The following C8orf34 variants were observed in gnomAD, a reference collection of about 807,000 sequenced individuals.
C8orf34 encodes uncharacterized protein C8orf34.
Under a neutral mutation model 68.3 loss-of-function variants are expected in C8orf34, and 65 were observed. The ratio of observed to expected loss-of-function variants is 0.95; its 90% CI spans 0.78 to 1.17. The LOEUF (loss-of-function observed/expected upper bound fraction) is 1.17. C8orf34 is among the 50% of genes most tolerant of loss of function. C8orf34 has a pLI of 0.00. For missense variants in C8orf34, 664 were observed against 655.4 expected (o/e 1.01, Z -0.14); for synonymous variants, 244 against 241.2 (o/e 1.01, Z -0.11).
chr8:68,389,232 TAAAGTTC>T (rs1278776140), intron 1 of C8orf34, among the ~76,000 whole-genome samples: 2 of 152,166 alleles, frequency 1.3e-5, no homozygotes, highest in East Asian at 3.9e-4. Flanking sequence ...TGGGCAATTA[TAAAGTTC>T]AAAGACCTGG....
chr8:68,360,380 G>C (rs1273011910), intron 1 of C8orf34, among the ~76,000 whole-genome samples: 1 of 152,138 alleles, frequency 6.6e-6, no homozygotes, highest in Non-Finnish European at 1.5e-5. Flanking sequence ...GCCACTTCCT[G>C]TGGCTATACT....
intron 1 of C8orf34, among the ~76,000 whole-genome samples, chr8:68,409,320 G>T (rs969357495): frequency 6.6e-6 from 1 of 152,178 alleles, no homozygotes; most frequent in Non-Finnish European, 1.5e-5. Context: ...ACAGCCCCAT[G>T]TATGTTATTG....
At chr8:68,535,709 T>C in intron 7 of C8orf34, 6 of 880,424 alleles carry the variant, frequency 6.8e-6, no homozygotes, top group Non-Finnish European at 8.2e-6. Context: ...CACCTGTAAT[T>C]TTTAAGTAGA....
intron 1 of C8orf34, among the ~76,000 whole-genome samples, chr8:68,353,555 ATG>A (rs1806609997): frequency 6.7e-6 from 1 of 149,166 alleles, no homozygotes; most frequent in South Asian, 2.1e-4. Flanking sequence ...ATATACACAT[ATG>A]TGTGTGTGCA....
At chr8:68,601,074 T>C (rs1032239598) in intron 7 of C8orf34, among the ~76,000 whole-genome samples, 13 of 152,222 alleles carry the variant, frequency 8.5e-5, no homozygotes, top group Admixed American at 8.5e-4. Flanking sequence ...ACTTGACAAA[T>C]GTATGTCCCA....
intron 7 of C8orf34, among the ~76,000 whole-genome samples, chr8:68,616,017 G>A (rs978085763): frequency 3.3e-5 from 5 of 151,086 alleles, no homozygotes; most frequent in Non-Finnish European, 7.4e-5. Context: ...GTTTAGTCTT[G>A]GGAGGGTGTA....
At chr8:68,473,944 C>G (rs923369991) in intron 4 of C8orf34, among the ~76,000 whole-genome samples, 1 of 152,138 alleles carries the variant, frequency 6.6e-6, no homozygotes, top group East Asian at 1.9e-4. Flanking sequence ...GGTGCTGGCC[C>G]TCCATCCTCT....
At chr8:68,522,936 G>C (rs967325584) in intron 6 of C8orf34, among the ~76,000 whole-genome samples, 1 of 152,086 alleles carries the variant, frequency 6.6e-6, no homozygotes, top group Non-Finnish European at 1.5e-5. Flanking sequence ...ACCAATAACT[G>C]TTCTTTCTCA....
chr8:68,745,799 C>G (rs1325922524), intron 10 of C8orf34, among the ~76,000 whole-genome samples: 2 of 152,114 alleles, frequency 1.3e-5, no homozygotes, highest in Non-Finnish European at 2.9e-5. Flanking sequence ...GACTTTAACA[C>G]CCCACTATCA....
At chr8:68,340,447 A>T (rs950077665) in intron 1 of C8orf34, among the ~76,000 whole-genome samples, 4 of 152,146 alleles carry the variant, frequency 2.6e-5, no homozygotes, top group Admixed American at 6.5e-5. Context: ...CTTTAGCAAG[A>T]CTGACAAAGG....
chr8:68,381,765 G>T lies in C8orf34; in HGVS notation c.327+50426G>T, dbSNP rs970746342. Among the ~76,000 whole-genome samples the T allele has an allele frequency of 5.6e-4, 61 of 108,114 alleles. 1 individual carries two copies. The highest frequency in any genetic ancestry group is 2.1e-3 in the African/African-American group (61 of 28,778). 70.9% of individuals were successfully genotyped at this position (108,114 alleles called of 152,430 possible). A position where few individuals can be genotyped will look rare whatever the true frequency, so the allele number is the denominator to read the frequency against. On this transcript the variant is annotated intron_variant, in intron 1 of 13. Coordinates refer to ENST00000518698, the MANE Select transcript of C8orf34 (RefSeq NM_052958.4). ...AAAAAAAAAAAAAAAAAAAAAAATA[G>T]GTATATTAAATGGCTTACAAATTGA...
At chr8:68,335,894 C>T (rs1252565605) in intron 1 of C8orf34, among the ~76,000 whole-genome samples, 1 of 152,006 alleles carries the variant, frequency 6.6e-6, no homozygotes, top group Non-Finnish European at 1.5e-5. Context: ...AAAGACCAGC[C>T]TGGCCAACAC....
intron 9 of C8orf34, among the ~76,000 whole-genome samples, chr8:68,716,174 G>A (rs1821466138): frequency 6.6e-6 from 1 of 151,794 alleles, no homozygotes; most frequent in African/African-American, 2.4e-5. Context: ...GGAAAGGGTG[G>A]GGGTGGTGAA....
chr8:68,415,991 G>T (rs943070401), intron 1 of C8orf34, among the ~76,000 whole-genome samples: 5 of 152,114 alleles, frequency 3.3e-5, no homozygotes, highest in African/African-American at 1.2e-4. Flanking sequence ...TCTAAAATGA[G>T]AAAAGAATAC....
chr8:68,569,753 A>G (rs1261735871), intron 7 of C8orf34, among the ~76,000 whole-genome samples: 4 of 152,250 alleles, frequency 2.6e-5, no homozygotes, highest in African/African-American at 7.2e-5. Flanking sequence ...AGGAATTCAC[A>G]GGACAATGTC....
At chr8:68,769,904 A>C (rs1165555980) in intron 10 of C8orf34, among the ~76,000 whole-genome samples, 1 of 152,182 alleles carries the variant, frequency 6.6e-6, no homozygotes, top group African/African-American at 2.4e-5. Context: ...TTTGGTAAGG[A>C]TAGGCGTAGT....
At chr8:68,482,473 C>G (rs898056392) in intron 4 of C8orf34, among the ~76,000 whole-genome samples, 1 of 152,140 alleles carries the variant, frequency 6.6e-6, no homozygotes, top group Admixed American at 6.5e-5. Context: ...CAAGGTCTCA[C>G]TATGTTGCCC....
At chr8:68,344,388 CA>C (rs1383246144) in intron 1 of C8orf34, among the ~76,000 whole-genome samples, 13 of 152,132 alleles carry the variant, frequency 8.5e-5, no homozygotes, top group African/African-American at 2.9e-4. Context: ...TTCTGGGTGT[CA>C]GGGATGGAGT....
intron 7 of C8orf34, among the ~76,000 whole-genome samples, chr8:68,613,557 G>C (rs2130575540): frequency 6.7e-6 from 1 of 149,544 alleles, no homozygotes; most frequent in Admixed American, 6.8e-5. Flanking sequence ...TTTTGTCCTT[G>C]TGATAGTTTA....
Sources: gnomAD v4.1 joint callset for allele counts (sites outside exome capture counted in the v4.1 genomes callset) on GRCh38, gnomAD v4.1.1 for gene constraint, MANE v1.5 for transcripts, NCBI Gene and HGNC (gene_info 2026-07-23, HGNC 2026-07-21) for gene names.